Variants in NUP62CL observed in about 807,000 individuals in gnomAD.
The protein encoded by NUP62CL is nucleoporin-62 C-terminal-like protein.
In NUP62CL, 13 loss-of-function variants were observed where a neutral mutation model predicts 15.3. The ratio of observed to expected loss-of-function variants is 0.85; its 90% CI spans 0.55 to 1.35. The LOEUF (loss-of-function observed/expected upper bound fraction) is 1.35. Ranked by LOEUF, NUP62CL falls within the 40% of genes most tolerant of loss-of-function variation. The probability of loss-of-function intolerance (pLI) is 0.00; values close to 1 mark genes in which losing one functional copy is unlikely to be tolerated. For missense variants in NUP62CL, 123 were observed against 130.6 expected, an observed-to-expected ratio of 0.94 and a Z score of 0.28; for synonymous variants, 54 against 49.2, an observed-to-expected ratio of 1.10 and a Z score of -0.41.
intron 2 of NUP62CL, among the ~76,000 whole-genome samples, chrX:107,175,511 C>G (rs1926762039): frequency 8.9e-6 from 1 of 111,989 alleles, no homozygotes; most frequent in Non-Finnish European, 1.9e-5. Flanking sequence ...CCAAGTAAAT[C>G]CATAACCAGC....
intron 1 of NUP62CL, among the ~76,000 whole-genome samples, chrX:107,204,946 T>G (rs1243730047): frequency 2.9e-5 from 3 of 103,707 alleles, no homozygotes; most frequent in Admixed American, 1.0e-4. Context: ...TTTAAATAAA[T>G]TATTTATTTA....
chrX:107,173,934 T>C (rs1330494367), intron 3 of NUP62CL, among the ~76,000 whole-genome samples: 1 of 110,759 alleles, frequency 9.0e-6, no homozygotes, highest in Non-Finnish European at 1.9e-5. Flanking sequence ...ATTATGATAT[T>C]GTGAAGAAGA....
intron 3 of NUP62CL, among the ~76,000 whole-genome samples, chrX:107,169,741 C>T (rs770996746): frequency 9.0e-6 from 1 of 111,557 alleles, no homozygotes; most frequent in South Asian, 3.8e-4. Context: ...ATGATAATGC[C>T]AATAGACTCC....
intron 2 of NUP62CL, among the ~76,000 whole-genome samples, chrX:107,183,251 C>G (rs1926959461): frequency 9.1e-6 from 1 of 109,839 alleles, no homozygotes; most frequent in African/African-American, 3.3e-5. Context: ...CTGTACTTCT[C>G]CCTCTTCTTC....
At chrX:107,189,886 A>AAAGG (rs1927181201) in intron 2 of NUP62CL, among the ~76,000 whole-genome samples, 4 of 63,508 alleles carry the variant, frequency 6.3e-5, no homozygotes, top group East Asian at 4.1e-4. Context: ...GAAAAGAAAG[A>AAAGG]AAGAAAGAAA....
At chrX:107,164,361 G>GT (rs1926458465) in intron 4 of NUP62CL, among the ~76,000 whole-genome samples, 1 of 111,252 alleles carries the variant, frequency 9.0e-6, no homozygotes, top group Non-Finnish European at 1.9e-5. Context: ...GTTGAGTTGG[G>GT]TATTTATAGC....
chrX:107,194,769 T>C (rs747860960), intron 1 of NUP62CL, among the ~76,000 whole-genome samples: 21 of 108,698 alleles, frequency 1.9e-4, no homozygotes, highest in African/African-American at 5.6e-4. Flanking sequence ...GGTTAATGTA[T>C]CTCAAAAATT....
intron 8 of NUP62CL, among the ~76,000 whole-genome samples, chrX:107,132,420 T>C (rs1251958604): frequency 8.9e-6 from 1 of 112,297 alleles, no homozygotes; most frequent in East Asian, 2.8e-4. Context: ...TAACACAACT[T>C]ATTTTACCAG....
In NUP62CL at chrX:107,123,948, G is replaced by A. The variant is rs1925325581; in HGVS notation, c.*427C>T. On this transcript the variant is annotated 3_prime_UTR_variant, in exon 9 of 9. Coordinates refer to ENST00000372466, the MANE Select transcript of NUP62CL (RefSeq NM_017681.3). ...GCAGACATCACCCTATGATTCAACTGGAGTGAGAAGGATGATGTGTACTGA... is the reference window on the plus strand; with the variant it reads ...GCAGACATCACCCTATGATTCAACTAGAGTGAGAAGGATGATGTGTACTGA... The A allele has an allele frequency of 6.0e-6, 1 of 167,353 alleles. No homozygotes were observed. Among genetic ancestry groups the A allele is most frequent in the Admixed American group, 8.6e-5 (1 of 11,639 alleles). The allele number at this position is 167,353 out of a possible 1,213,427, so 13.8% of individuals were successfully genotyped here.
chrX:107,152,051 T>TATATATATATATATATATATATATTCAG lies in NUP62CL; in HGVS notation c.530+1093_530+1120dup, dbSNP rs1569356961. Among the ~76,000 whole-genome samples, 257 of 55,570 alleles carry TATATATATATATATATATATATATTCAG rather than the reference T, an allele frequency of 4.6e-3. 2 individuals are homozygous for TATATATATATATATATATATATATTCAG. The highest frequency in any genetic ancestry group is 5.7e-3 in the Non-Finnish European group (217 of 38,136). 48.3% of individuals were successfully genotyped at this position (55,570 alleles called of 115,157 possible). On this transcript the variant is annotated intron_variant, in intron 7 of 8. Coordinates refer to ENST00000372466, the MANE Select transcript of NUP62CL (RefSeq NM_017681.3). ...TCTTGAATATATATATATATTCAGA[T>TATATATATATATATATATATATATTCAG]ATATATATATATATATATATATATT...
chrX:107,140,481 A>G (rs1925742114), intron 8 of NUP62CL, among the ~76,000 whole-genome samples: 1 of 111,691 alleles, frequency 9.0e-6, no homozygotes, highest in African/African-American at 3.3e-5. Context: ...ACTGGCATCT[A>G]AAAGAACATC....
chrX:107,198,871 C>G (rs1927420530), intron 1 of NUP62CL, among the ~76,000 whole-genome samples: 1 of 112,392 alleles, frequency 8.9e-6, no homozygotes, highest in South Asian at 3.7e-4. Flanking sequence ...CAGAAGGAAC[C>G]AATTCTGGAC....
At chrX:107,205,839 A>G (rs1927667050) in intron 1 of NUP62CL, among the ~76,000 whole-genome samples, 1 of 110,769 alleles carries the variant, frequency 9.0e-6, no homozygotes, top group Non-Finnish European at 1.9e-5. Context: ...GAGGCGGGAA[A>G]AGCAGAGCTC....
At chrX:107,132,067 G>A in intron 8 of NUP62CL, 1 of 1,112,475 alleles carries the variant, frequency 9.0e-7, no homozygotes, top group Non-Finnish European at 1.2e-6. Context: ...CTTTCTACAT[G>A]AAAATGAAGA....
intron 2 of NUP62CL, among the ~76,000 whole-genome samples, chrX:107,190,165 T>C (rs1927205136): frequency 8.9e-6 from 1 of 111,734 alleles, no homozygotes; most frequent in Admixed American, 9.5e-5. Context: ...CCATATATAG[T>C]ATATAAGATG....
chrX:107,156,162 C>T (rs766423722), intron 4 of NUP62CL, among the ~76,000 whole-genome samples: 16 of 111,781 alleles, frequency 1.4e-4, no homozygotes, highest in Admixed American at 5.6e-4. Context: ...GCTAGCACAG[C>T]AGTCTGAGAT....
At chrX:107,174,659 T>A (rs910436873) in intron 3 of NUP62CL, among the ~76,000 whole-genome samples, 1 of 111,474 alleles carries the variant, frequency 9.0e-6, no homozygotes, top group South Asian at 3.8e-4. Context: ...CCACTTCTGA[T>A]AGGTAAAATG....
At chrX:107,172,161 TAA>T (rs756508608) in intron 3 of NUP62CL, among the ~76,000 whole-genome samples, 25 of 76,394 alleles carry the variant, frequency 3.3e-4, no homozygotes, top group Admixed American at 4.6e-4. Context: ...TCATCTCTAC[TAA>T]AAAAAAAAAA....
chrX:107,172,749 G>T (rs938976543), intron 3 of NUP62CL, among the ~76,000 whole-genome samples: 8 of 111,868 alleles, frequency 7.2e-5, no homozygotes, highest in Admixed American at 4.7e-4. Flanking sequence ...GATCAATAAC[G>T]AAAATTCTTA....
Sources: allele counts gnomAD v4.1 joint callset (sites outside exome capture counted in the v4.1 genomes callset), GRCh38; gene constraint gnomAD v4.1.1; transcripts MANE v1.5; gene names NCBI Gene and HGNC (gene_info 2026-07-23, HGNC 2026-07-21).